Variants in ARK2C observed in about 807,000 individuals in gnomAD.
The protein encoded by ARK2C is arkadia (RNF111) C-terminal like ring finger ubiquitin ligase 2C, also known as E3 ubiquitin-protein ligase ARK2C.
the ARK2C span, among the ~76,000 whole-genome samples, chr18:46,439,353 T>C: frequency 3.3e-5 from 5 of 152,144 alleles, no homozygotes; most frequent in African/African-American, 1.2e-4. Context: ...AGGAAGTTAG[T>C]GATCAGGGCC....
At chr18:46,439,263 A>T in the ARK2C span, among the ~76,000 whole-genome samples, 2 of 152,210 alleles carry the variant, frequency 1.3e-5, no homozygotes, top group East Asian at 3.9e-4. Context: ...AAGATCTCAG[A>T]TGACATTGCA....
the ARK2C span, among the ~76,000 whole-genome samples, chr18:46,397,404 G>T: frequency 6.0e-5 from 9 of 150,734 alleles, no homozygotes; most frequent in African/African-American, 2.2e-4. Context: ...GAGGTGTGAG[G>T]GTGTGTGTGC....
chr18:46,375,644 G>A, the ARK2C span, among the ~76,000 whole-genome samples: 35 of 151,998 alleles, frequency 2.3e-4, no homozygotes, highest in South Asian at 4.2e-4. Flanking sequence ...GAATTGCGCC[G>A]TTATATGAGC....
chr18:46,367,439 C>T, the ARK2C span, among the ~76,000 whole-genome samples: 1 of 152,122 alleles, frequency 6.6e-6, no homozygotes, highest in South Asian at 2.1e-4. Context: ...GAAGCCGTCT[C>T]CTTCTTGGAA....
chr18:46,347,599 A>C, the ARK2C span, among the ~76,000 whole-genome samples: 7,781 of 152,146 alleles, frequency 0.051, 627 homozygotes, highest in African/African-American at 0.18. Context: ...TTTAATCCTC[A>C]TCTGGATTAA....
the ARK2C span, among the ~76,000 whole-genome samples, chr18:46,351,292 C>G: frequency 6.6e-6 from 1 of 152,148 alleles, no homozygotes; most frequent in African/African-American, 2.4e-5. Context: ...TCCCTCCAGT[C>G]TGAAGTTTGA....
At chr18:46,449,714 G>T in the ARK2C span, among the ~76,000 whole-genome samples, 2 of 152,188 alleles carry the variant, frequency 1.3e-5, no homozygotes, top group African/African-American at 4.8e-5. Context: ...TCTCTCTCCT[G>T]CTGCCCTGTG....
chr18:46,337,477 G>T, the ARK2C span: 1 of 985,266 alleles, frequency 1.0e-6, no homozygotes, highest in East Asian at 1.1e-4. Context: ...ACGTACTGTG[G>T]TCGTGTAGCC....
At chr18:46,358,233 G>C in the ARK2C span, among the ~76,000 whole-genome samples, 1 of 152,190 alleles carries the variant, frequency 6.6e-6, no homozygotes. Context: ...TCAGAGAAAA[G>C]GGCATGTTTT....
At chr18:46,437,931 C>G in the ARK2C span, among the ~76,000 whole-genome samples, 1 of 152,206 alleles carries the variant, frequency 6.6e-6, no homozygotes, top group Non-Finnish European at 1.5e-5. Context: ...TGTCCTTTCC[C>G]CTCCGGGCAA....
At chr18:46,343,252 TGG>T in the ARK2C span, among the ~76,000 whole-genome samples, 1 of 151,300 alleles carries the variant, frequency 6.6e-6, no homozygotes, top group Non-Finnish European at 1.5e-5. Flanking sequence ...ATAAGTGGAG[TGG>T]AGGCAGATAA....
the ARK2C span, among the ~76,000 whole-genome samples, chr18:46,424,168 G>C: frequency 5.3e-5 from 8 of 152,230 alleles, no homozygotes; most frequent in African/African-American, 1.9e-4. Flanking sequence ...GGAAGGTCTT[G>C]GAGGGCTCCC....
chr18:46,394,980 G>A, the ARK2C span, among the ~76,000 whole-genome samples: 1 of 152,188 alleles, frequency 6.6e-6, no homozygotes, highest in Non-Finnish European at 1.5e-5. Context: ...TCCATGCAAA[G>A]CCTCATGTAG....
chr18:46,444,521 G>T, the ARK2C span, among the ~76,000 whole-genome samples: 1 of 152,054 alleles, frequency 6.6e-6, no homozygotes, highest in African/African-American at 2.4e-5. Context: ...CAGAAGTGCA[G>T]TGGTGGCATC....
At chr18:46,462,116 A>T in the ARK2C span, 1 of 152,288 alleles carries the variant, frequency 6.6e-6, no homozygotes, top group Non-Finnish European at 1.5e-5. Context: ...TGTGGGCAGG[A>T]GGAGCTTCTT....
chr18:46,400,164 G>T, the ARK2C span, among the ~76,000 whole-genome samples: 1 of 152,168 alleles, frequency 6.6e-6, no homozygotes, highest in Non-Finnish European at 1.5e-5. Flanking sequence ...TGTTTCTAAG[G>T]CTGGGCTGGA....
At chr18:46,394,281 C>T in the ARK2C span, among the ~76,000 whole-genome samples, 3 of 152,350 alleles carry the variant, frequency 2.0e-5, no homozygotes, top group African/African-American at 4.8e-5. Context: ...GAGCCCTGGC[C>T]TGGGAATCTC....
chr18:46,349,848 C>T, the ARK2C span, among the ~76,000 whole-genome samples: 1 of 152,202 alleles, frequency 6.6e-6, no homozygotes, highest in African/African-American at 2.4e-5. Context: ...CTCACATCAT[C>T]GTGCACCCAG....
the ARK2C span, among the ~76,000 whole-genome samples, chr18:46,368,184 C>T: frequency 6.6e-6 from 1 of 152,234 alleles, no homozygotes; most frequent in Non-Finnish European, 1.5e-5. Context: ...GAAAAACATC[C>T]TTTCCAGGCT....
Sources: allele counts gnomAD v4.1 joint callset (sites outside exome capture counted in the v4.1 genomes callset), GRCh38; gene constraint gnomAD v4.1.1; transcripts MANE v1.5; gene names NCBI Gene and HGNC (gene_info 2026-07-23, HGNC 2026-07-21).